The following TMEFF2 variants were observed in gnomAD, a reference collection of about 807,000 sequenced individuals.
TMEFF2 encodes the protein transmembrane protein with EGF like and two follistatin like domains 2.
Under a neutral mutation model 53.8 loss-of-function variants are expected in TMEFF2, and 28 were observed. That is an observed-to-expected ratio of 0.52 (90% CI 0.39 to 0.71). The LOEUF (loss-of-function observed/expected upper bound fraction) is 0.71. Ranked by LOEUF, TMEFF2 falls within the 30% of genes least tolerant of loss-of-function variation. The probability of loss-of-function intolerance (pLI) is 0.00; values close to 1 mark genes in which losing one functional copy is unlikely to be tolerated. For missense variants in TMEFF2, 353 were observed against 455.2 expected (o/e 0.78, Z 2.04); for synonymous variants, 162 against 166.3 (o/e 0.97, Z 0.20).
chr2:192,140,507 G>C (rs1323423506), intron 4 of TMEFF2, among the ~76,000 whole-genome samples: 1 of 116,150 alleles, frequency 8.6e-6, no homozygotes, highest in East Asian at 2.8e-4. Flanking sequence ...GCTCAGTTCT[G>C]GGTTCCACAT....
At chr2:191,967,244 A>G (rs1424638121) in intron 7 of TMEFF2, among the ~76,000 whole-genome samples, 2 of 152,174 alleles carry the variant, frequency 1.3e-5, no homozygotes, top group African/African-American at 4.8e-5. Flanking sequence ...TATAGGTATT[A>G]TAGGTACAGC....
Position 192,037,302 on chromosome 2 carries a change from AAAG to A in TMEFF2, c.536+20374_536+20376del, listed in dbSNP as rs555673073. On this transcript the variant is annotated intron_variant, in intron 5 of 9. Coordinates refer to ENST00000272771, the MANE Select transcript of TMEFF2 (RefSeq NM_016192.4). ...GAAAGAAAGAAAGAAAGAAAGAAAG[AAAG>A]AAAGAAAGAAAGAAAGAAAGAAAGA... Among the ~76,000 whole-genome samples the A allele has an allele frequency of 4.5e-5, 6 of 134,552 alleles. 1 individual carries two copies. The South Asian group carries it at 1.4e-3, about 31-fold the overall frequency. The allele number at this position is 134,552 out of a possible 152,430, so 88.3% of individuals were successfully genotyped here.
intron 4 of TMEFF2, among the ~76,000 whole-genome samples, chr2:192,065,621 A>C (rs953361623): frequency 1.3e-5 from 2 of 151,744 alleles, no homozygotes; most frequent in Non-Finnish European, 3.0e-5. Flanking sequence ...AATAGGTAAC[A>C]AAATAGTTCT....
intron 4 of TMEFF2, among the ~76,000 whole-genome samples, chr2:192,142,523 T>G (rs1690163076): frequency 6.6e-6 from 1 of 152,128 alleles, no homozygotes; most frequent in African/African-American, 2.4e-5. Flanking sequence ...TACTGGACAT[T>G]ATGGAATTAC....
rs145420399 is a variant in TMEFF2 at position 192,027,485 on chromosome 2, C to T, written c.537-28277G>A. Among the ~76,000 whole-genome samples, 12 of 152,130 alleles carry T rather than the reference C, an allele frequency of 7.9e-5. No homozygotes were observed. The East Asian group carries it at 1.5e-3, about 20-fold the overall frequency. On this transcript the variant is annotated intron_variant, in intron 5 of 9. Transcript: ENST00000272771. ...CATGAGTAACTATATAGAGAGTATA[C>T]GAAAGAAAAGAACAAGTCAAAACAG...
intron 4 of TMEFF2, among the ~76,000 whole-genome samples, chr2:192,070,530 T>C (rs1688271260): frequency 6.6e-6 from 1 of 151,924 alleles, no homozygotes; most frequent in Admixed American, 6.6e-5. Context: ...GTCTTTACCA[T>C]TGTATTCAAA....
intron 3 of TMEFF2, among the ~76,000 whole-genome samples, chr2:192,181,280 T>C (rs1475303584): frequency 6.6e-6 from 1 of 151,788 alleles, no homozygotes; most frequent in African/African-American, 2.4e-5. Flanking sequence ...TTTAATTCAG[T>C]ATTACTTATA....
intron 4 of TMEFF2, among the ~76,000 whole-genome samples, chr2:192,134,723 A>G (rs1399860111): frequency 9.9e-5 from 15 of 152,092 alleles, no homozygotes; most frequent in Non-Finnish European, 2.1e-4. Flanking sequence ...TCACTAGATA[A>G]GTAGAGGCCT....
chr2:191,998,305 AGTT>A lies in TMEFF2; in HGVS notation c.699_701del (p.Thr235del). 6.3e-7 allele frequency: 1 copy of A among 1,598,726 alleles called. No homozygotes were observed. The highest frequency in any genetic ancestry group is 1.1e-5 in the South Asian group (1 of 88,706). On this transcript the variant is annotated inframe_deletion, in exon 7 of 10. Transcript: ENST00000272771. ...CATAATGCCCATCTTCAGACTTAGTAGTTGTAGTTGTGTTATCTGTGTTAAAAA... is the reference window on the plus strand; with the variant it reads ...CATAATGCCCATCTTCAGACTTAGTAGTAGTTGTGTTATCTGTGTTAAAAA...
At position 191,967,734 on chromosome 2, in the gene TMEFF2, C is replaced by A. The variant is rs141097064; in HGVS notation, c.746-11356G>T. Among the ~76,000 whole-genome samples, 1,422 of 152,226 alleles carry A rather than the reference C, an allele frequency of 9.3e-3. 13 individuals carry two copies. Among genetic ancestry groups the A allele is most frequent in the Middle Eastern group, 0.027 (8 of 294 alleles). On this transcript the variant is annotated intron_variant, in intron 7 of 9. Coordinates refer to ENST00000272771, the MANE Select transcript of TMEFF2 (RefSeq NM_016192.4). ...TCCCCTGATAACTGTCCTACAGTGGCCCACCTTTCTGGTCCCAGGTCTATC... is the reference window on the plus strand; with the variant it reads ...TCCCCTGATAACTGTCCTACAGTGGACCACCTTTCTGGTCCCAGGTCTATC...
chr2:192,118,328 G>A (rs1689466051), intron 4 of TMEFF2, among the ~76,000 whole-genome samples: 1 of 152,144 alleles, frequency 6.6e-6, no homozygotes, highest in Non-Finnish European at 1.5e-5. Flanking sequence ...TAAGGATTGT[G>A]TTTCTAACAG....
intron 7 of TMEFF2, among the ~76,000 whole-genome samples, chr2:191,990,763 G>GGTGTGTGTGTGT (rs34545329): frequency 2.2e-5 from 3 of 134,628 alleles, no homozygotes; most frequent in Admixed American, 7.3e-5. Context: ...CTCTTTGCGG[G>GGTGTGTGTGTGT]GTGTGTGTGT....
chr2:192,004,488 G>T (rs79867695), intron 5 of TMEFF2, among the ~76,000 whole-genome samples: 2 of 152,084 alleles, frequency 1.3e-5, no homozygotes, highest in African/African-American at 4.8e-5. Context: ...CTGATAAAAA[G>T]GTGACAGAAG....
chr2:192,037,321 G>GAAAGA (rs1001426764), intron 5 of TMEFF2, among the ~76,000 whole-genome samples: 1 of 147,250 alleles, frequency 6.8e-6, no homozygotes, highest in African/African-American at 2.6e-5. Context: ...AAGAAAGAAA[G>GAAAGA]AAAGAAAGAA....
chr2:192,153,305 T>C (rs1690431254), intron 4 of TMEFF2, among the ~76,000 whole-genome samples: 1 of 151,900 alleles, frequency 6.6e-6, no homozygotes, highest in Non-Finnish European at 1.5e-5. Context: ...ACTGGTATTT[T>C]TTTAAAAATT....
chr2:192,101,218 G>A (rs1190334627), intron 4 of TMEFF2, among the ~76,000 whole-genome samples: 1 of 152,110 alleles, frequency 6.6e-6, no homozygotes, highest in East Asian at 1.9e-4. Flanking sequence ...AGAGTCTGAT[G>A]GGCAGCTTTC....
In TMEFF2 at chr2:191,949,552, T is replaced by G; in HGVS notation, c.*759A>C. ...CTAAATGGAATATATTTTGCCACTCTGTGTATACCTAGTATGTAACTTGTT... is the reference window on the plus strand; with the variant it reads ...CTAAATGGAATATATTTTGCCACTCGGTGTATACCTAGTATGTAACTTGTT... On this transcript the variant is annotated 3_prime_UTR_variant, in exon 10 of 10. Coordinates refer to ENST00000272771, the MANE Select transcript of TMEFF2 (RefSeq NM_016192.4). 1.0e-6 allele frequency: 1 copy of G among 985,458 alleles called. No individual in the cohort carries two copies. The highest frequency in any genetic ancestry group is 1.2e-6 in the Non-Finnish European group (1 of 829,924). The allele number at this position is 985,458 out of a possible 1,614,324, so 61.0% of individuals were successfully genotyped here.
intron 4 of TMEFF2, among the ~76,000 whole-genome samples, chr2:192,082,134 C>T (rs1688569258): frequency 6.6e-6 from 1 of 152,026 alleles, no homozygotes; most frequent in Admixed American, 6.6e-5. Context: ...CATTTTTTGC[C>T]ATTACAGTTA....
intron 4 of TMEFF2, among the ~76,000 whole-genome samples, chr2:192,124,809 CAG>C (rs1689638281): frequency 6.6e-6 from 1 of 152,148 alleles, no homozygotes; most frequent in African/African-American, 2.4e-5. Context: ...TCCAATATTT[CAG>C]AGTTTTGTCA....
Sources: gnomAD v4.1 joint callset for allele counts (sites outside exome capture counted in the v4.1 genomes callset) on GRCh38, gnomAD v4.1.1 for gene constraint, MANE v1.5 for transcripts, NCBI Gene and HGNC (gene_info 2026-07-23, HGNC 2026-07-21) for gene names.